Variants in RALGAPA1 observed in about 807,000 individuals in gnomAD.
RALGAPA1 encodes the protein ral GTPase-activating protein subunit alpha-1.
RALGAPA1 carries 52 observed loss-of-function variants against 269.6 expected under a neutral mutation model. The ratio of observed to expected loss-of-function variants is 0.19; its 90% confidence interval spans 0.15 to 0.24. The LOEUF (loss-of-function observed/expected upper bound fraction) is 0.24. Ranked by LOEUF, RALGAPA1 falls within the 10% of genes least tolerant of loss-of-function variation. RALGAPA1 has a pLI of 1.00. For synonymous variants in RALGAPA1, 817 were observed against 1,008.3 expected, an observed-to-expected ratio of 0.81 and a Z score of 3.60; for missense variants, 1,917 against 3,013.9, an observed-to-expected ratio of 0.64 and a Z score of 8.52.
chr14:35,670,079 A>G (rs964160737), intron 26 of RALGAPA1, among the ~76,000 whole-genome samples: 42 of 152,200 alleles, frequency 2.8e-4, no homozygotes, highest in Non-Finnish European at 1.5e-4. Flanking sequence ...AGGTGACTGT[A>G]TCCACTTTCA....
At chr14:35,696,433 T>C (rs1183236349) in intron 17 of RALGAPA1, among the ~76,000 whole-genome samples, 1 of 152,070 alleles carries the variant, frequency 6.6e-6, no homozygotes, top group Non-Finnish European at 1.5e-5. Flanking sequence ...ACTCAACTAT[T>C]CAACTAGGTT....
chr14:35,714,053 C>T (rs1375715698), intron 16 of RALGAPA1, among the ~76,000 whole-genome samples: 1 of 151,272 alleles, frequency 6.6e-6, no homozygotes, highest in African/African-American at 2.4e-5. Flanking sequence ...TGAGATCATG[C>T]CACTGCACTC....
chr14:35,585,253 C>T (rs547744477), intron 37 of RALGAPA1, among the ~76,000 whole-genome samples: 1 of 152,204 alleles, frequency 6.6e-6, no homozygotes, highest in South Asian at 2.1e-4. Context: ...AATACACCTT[C>T]GGAAATTCAA....
At chr14:35,683,749 C>T in intron 21 of RALGAPA1, 60 bp downstream of exon 21, 1 of 1,319,242 alleles carries the variant, frequency 7.6e-7, no homozygotes. Flanking sequence ...AAATTTTAAT[C>T]AAATTCTTTG....
At chr14:35,786,853 A>T (rs2075833500) in intron 1 of RALGAPA1, among the ~76,000 whole-genome samples, 1 of 152,154 alleles carries the variant, frequency 6.6e-6, no homozygotes, top group African/African-American at 2.4e-5. Context: ...TTTTCAAAAA[A>T]AATCATATCA....
rs1481097377 is a variant in RALGAPA1, at chr14:35,750,539, T to G, written c.954A>C (p.Pro318=). The G allele has an allele frequency of 8.7e-6, 14 of 1,613,096 alleles. No homozygotes were observed. The highest frequency in any genetic ancestry group is 1.1e-5 in the Non-Finnish European group (13 of 1,179,498). The part of the protein sequence containing the change: ...WLVSFWLEPK[P]HTGPHIPGME... ...TCCCAGGAATATGAGGTCCTGTATG[T>G]GGTTTTGGCTCCAGCCAGAAAGAAA... The change falls in exon 9 of 42, where the codon CCA becomes CCC. Residue 318 remains proline, a synonymous_variant. Coordinates refer to ENST00000680220, the MANE Select transcript of RALGAPA1 (RefSeq NM_001346249.2).
intron 17 of RALGAPA1, among the ~76,000 whole-genome samples, chr14:35,694,429 G>A (rs79675385): frequency 0.019 from 2,918 of 152,124 alleles, 32 homozygotes; most frequent in Middle Eastern, 0.055. Context: ...AAGTAAAAAC[G>A]ATAGAGCATC....
rs1214557389 is a variant in RALGAPA1 at position 35,728,523 on chromosome 14, A to T, written c.1588-13T>A. On this transcript the variant is annotated splice_polypyrimidine_tract_variant and intron_variant, in intron 12 of 41. Coordinates refer to ENST00000680220, the MANE Select transcript of RALGAPA1 (RefSeq NM_001346249.2). ...TTATAATAAACACCTAAGACAAAAG[A>T]AATCATTAGCTATTCACAAAGGAAT... The T allele has an allele frequency of 3.8e-6, 6 of 1,578,210 alleles. No homozygotes were observed. In the Admixed American group the frequency reaches 1.2e-4, roughly 30 times the overall value.
chr14:35,625,420 A>T lies in RALGAPA1; in HGVS notation c.6870T>A (p.His2290Gln). Reference protein sequence around the residue: ...MNSWDKRRSFHLLKKNEKLLR... With the variant: ...MNSWDKRRSFQLLKKNEKLLR... ...GTAGCTTTTCATTTTTCTTCAGGAG[A>T]TGAAAGCTCCTCCTAAATAGAGAGA... Residue 2290 changes from histidine (H) to glutamine (Q), a missense_variant, in exon 35 of 42, where the codon CAT becomes CAA. Physicochemically the swap from His to Gln is conservative, Grantham distance 24. Coordinates refer to ENST00000680220, the MANE Select transcript of RALGAPA1 (RefSeq NM_001346249.2). 1 of 1,605,880 alleles carries T rather than the reference A, an allele frequency of 6.2e-7. No individual in the cohort carries two copies. Among genetic ancestry groups the T allele is most frequent in the East Asian group, 2.2e-5 (1 of 44,620 alleles).
In RALGAPA1 at chr14:35,737,727, C is replaced by G. The variant is rs547695901; in HGVS notation, c.1587+786G>C. Among the ~76,000 whole-genome samples the G allele has an allele frequency of 2.5e-5, 3 of 119,200 alleles. No homozygotes were observed. The Admixed American group carries it at 3.3e-4, about 13-fold the overall frequency. 78.2% of individuals were successfully genotyped at this position (119,200 alleles called of 152,430 possible). ...TGAGCCGAGATCGTGCCATTGCACT[C>G]CAACCTGGGCAACAACAGTGAAAAT... On this transcript the variant is annotated intron_variant, in intron 12 of 41. Transcript: ENST00000680220.
At chr14:35,589,514 T>C (rs1260514468) in intron 37 of RALGAPA1, among the ~76,000 whole-genome samples, 3 of 152,138 alleles carry the variant, frequency 2.0e-5, no homozygotes, top group Non-Finnish European at 4.4e-5. Flanking sequence ...ATATCATAAA[T>C]ATATACAATT....
chr14:35,760,713 T>G, intron 6 of RALGAPA1, 116 bp downstream of exon 6: 1 of 670,300 alleles, frequency 1.5e-6, no homozygotes. Context: ...AAGCTATGTT[T>G]TAAAGCATTG....
At chr14:35,581,819 C>T (rs1445497603) in intron 37 of RALGAPA1, among the ~76,000 whole-genome samples, 1 of 152,070 alleles carries the variant, frequency 6.6e-6, no homozygotes, top group Non-Finnish European at 1.5e-5. Flanking sequence ...TAGAAAACAT[C>T]CTGACAATTT....
At chr14:35,707,193 G>C (rs2067884873) in intron 16 of RALGAPA1, 1 of 152,092 alleles carries the variant, frequency 6.6e-6, no homozygotes, top group South Asian at 2.1e-4. Flanking sequence ...TATTAATCTG[G>C]CATCCTATAA....
At chr14:35,672,305 C>T (rs2064530661) in intron 25 of RALGAPA1, among the ~76,000 whole-genome samples, 1 of 152,066 alleles carries the variant, frequency 6.6e-6, no homozygotes, top group Non-Finnish European at 1.5e-5. Context: ...CAACCTCCTA[C>T]ACTTGTTAGT....
chr14:35,617,592 T>C (rs111677928), intron 35 of RALGAPA1, among the ~76,000 whole-genome samples: 158 of 112,552 alleles, frequency 1.4e-3, no homozygotes, highest in African/African-American at 5.0e-3. Context: ...AACTCCAGCC[T>C]GGGTGACAAC....
Position 35,570,662 on chromosome 14 carries a change from T to G in RALGAPA1, c.7451A>C (p.Asn2484Thr). The G allele has an allele frequency of 6.2e-7, 1 of 1,610,574 alleles. No homozygotes were observed. The highest frequency in any genetic ancestry group is 8.5e-7 in the Non-Finnish European group (1 of 1,178,958). ...LPIMVRATAI[N>T]ASRALKSLIP... Reference sequence around the variant, plus strand: ...CAGAGATTTCAGAGCACGGCTTGCATTTATAGCTGTTGCTCTAACCATAAT... The same window carrying G: ...CAGAGATTTCAGAGCACGGCTTGCAGTTATAGCTGTTGCTCTAACCATAAT... The change falls in exon 39 of 42, where the codon AAT (asparagine) becomes ACT (threonine). Residue 2484 changes from asparagine to threonine, a missense_variant. By Grantham distance (65) the Asn-to-Thr change is moderately conservative (BLOSUM62 0). Coordinates refer to ENST00000680220, the MANE Select transcript of RALGAPA1 (RefSeq NM_001346249.2).
chr14:35,589,005 C>T (rs1460261135), intron 37 of RALGAPA1, among the ~76,000 whole-genome samples: 1 of 152,026 alleles, frequency 6.6e-6, no homozygotes, highest in Non-Finnish European at 1.5e-5. Context: ...AAGCCAGGCA[C>T]AAAAAGACAA....
chr14:35,643,712 A>C (rs1283335543), intron 31 of RALGAPA1, among the ~76,000 whole-genome samples: 1 of 152,112 alleles, frequency 6.6e-6, no homozygotes, highest in Non-Finnish European at 1.5e-5. Context: ...ATAAAGAAGA[A>C]TGAGATCTTG....
Sources: gnomAD v4.1 joint callset for allele counts (sites outside exome capture counted in the v4.1 genomes callset) on GRCh38, gnomAD v4.1.1 for gene constraint, MANE v1.5 for transcripts, NCBI Gene and HGNC (gene_info 2026-07-23, HGNC 2026-07-21) for gene names.